Variants in ATRNL1 observed in about 807,000 individuals in gnomAD.
ATRNL1 encodes the protein attractin-like protein 1.
ATRNL1 carries 95 observed loss-of-function variants against 182.7 expected under a neutral mutation model. That is an observed-to-expected ratio of 0.52 (90% confidence interval 0.44 to 0.62). The LOEUF (loss-of-function observed/expected upper bound fraction) is 0.62. ATRNL1 is among the 20% of genes least tolerant of loss of function. The pLI is 0.00. For synonymous variants in ATRNL1, 576 were observed against 568.3 expected, an observed-to-expected ratio of 1.01 and a Z score of -0.19; for missense variants, 1,471 against 1,679.5, an observed-to-expected ratio of 0.88 and a Z score of 2.17.
intron 10 of ATRNL1, among the ~76,000 whole-genome samples, chr10:115,254,003 T>A (rs1554906071): frequency 1.3e-5 from 2 of 152,204 alleles, no homozygotes; most frequent in Non-Finnish European, 2.9e-5. Flanking sequence ...CCATGGTGCA[T>A]ATGTGCCACA....
chr10:115,702,993 A>G (rs1253128481), intron 26 of ATRNL1, among the ~76,000 whole-genome samples: 10 of 151,720 alleles, frequency 6.6e-5, no homozygotes, highest in Admixed American at 5.3e-4. Context: ...AAAAGAACAA[A>G]CTATAGACTT....
intron 24 of ATRNL1, among the ~76,000 whole-genome samples, chr10:115,477,956 G>A (rs78379647): frequency 0.019 from 2,933 of 151,676 alleles, 63 homozygotes; most frequent in East Asian, 0.12. Context: ...ACAATTGCTT[G>A]CTTTCTCATT....
chr10:115,749,798 TA>T (rs1456186458), intron 27 of ATRNL1, among the ~76,000 whole-genome samples: 1 of 151,896 alleles, frequency 6.6e-6, no homozygotes, highest in Non-Finnish European at 1.5e-5. Flanking sequence ...TAAAAAAAAT[TA>T]AATTTGAAGC....
chr10:115,933,527 T>A (rs1953467466), intron 28 of ATRNL1, among the ~76,000 whole-genome samples: 1 of 152,206 alleles, frequency 6.6e-6, no homozygotes, highest in African/African-American at 2.4e-5. Context: ...CCAGCAGGGA[T>A]GTCCAGGTCT....
intron 13 of ATRNL1, among the ~76,000 whole-genome samples, chr10:115,269,801 T>C (rs1453328527): frequency 2.6e-5 from 4 of 152,062 alleles, no homozygotes; most frequent in Admixed American, 2.6e-4. Context: ...GAAAAGGGAG[T>C]TGAAACTAAG....
chr10:115,483,362 A>G (rs1260451282), intron 24 of ATRNL1, among the ~76,000 whole-genome samples: 1 of 151,490 alleles, frequency 6.6e-6, no homozygotes, highest in African/African-American at 2.4e-5. Context: ...CTTTAAGCAA[A>G]TTTAGGAAAT....
At chr10:115,675,262 T>C (rs1253537713) in intron 26 of ATRNL1, among the ~76,000 whole-genome samples, 1 of 152,024 alleles carries the variant, frequency 6.6e-6, no homozygotes, top group African/African-American at 2.4e-5. Flanking sequence ...GTTGGGAGGC[T>C]GAGAGTGGAG....
At position 115,847,919 on chromosome 10, in the gene ATRNL1, A is replaced by G. The variant is rs1555099303; in HGVS notation, c.3946A>G (p.Arg1316Gly). The G allele has an allele frequency of 1.2e-6, 2 of 1,612,982 alleles. No individual in the cohort carries two copies. Among genetic ancestry groups the G allele is most frequent in the Admixed American group, 3.3e-5 (2 of 59,900 alleles). ...TGCCATTGAACCATGTGCTGGGAAC[A>G]GAGCTGCTGTTCTGACTGTGTTTCT... ...PIAIEPCAGN[R>G]AAVLTVFLCL... Residue 1316 changes from arginine (R) to glycine (G), a missense_variant, in exon 28 of 29, where the codon AGA becomes GGA. Arg to Gly is a moderately radical substitution (Grantham distance 125, BLOSUM62 -2). Transcript: ENST00000355044.
intron 18 of ATRNL1, among the ~76,000 whole-genome samples, chr10:115,329,618 T>C (rs2134059589): frequency 6.6e-6 from 1 of 152,286 alleles, no homozygotes; most frequent in South Asian, 2.1e-4. Context: ...TTGATCCCTT[T>C]ATCAGTAAGT....
At chr10:115,833,758 G>A (rs1311384415) in intron 27 of ATRNL1, among the ~76,000 whole-genome samples, 1 of 152,112 alleles carries the variant, frequency 6.6e-6, no homozygotes, top group Non-Finnish European at 1.5e-5. Flanking sequence ...ATTAATTCTA[G>A]GCAATAATGT....
rs185431363 is a variant in ATRNL1 at position 115,694,821 on chromosome 10, T to G, written c.3796-32427T>G. ...AGATTCACTTTTCCTTGCTTTATTT[T>G]GGGAGGGTGGAGGATGGTAGAAATG... On this transcript the variant is annotated intron_variant, in intron 26 of 28. Coordinates refer to ENST00000355044, the MANE Select transcript of ATRNL1 (RefSeq NM_207303.4). 2.2e-3 allele frequency among the ~76,000 whole-genome samples: 340 copies of G among 151,952 alleles called. 2 individuals carry two copies. Among genetic ancestry groups the G allele is most frequent in the Non-Finnish European group, 3.9e-3 (267 of 67,910 alleles).
At chr10:115,254,044 A>AT (rs779259461) in intron 10 of ATRNL1, among the ~76,000 whole-genome samples, 3 of 152,230 alleles carry the variant, frequency 2.0e-5, no homozygotes, top group Non-Finnish European at 4.4e-5. Flanking sequence ...ATTGATGGAC[A>AT]TATGGGTTGG....
intron 27 of ATRNL1, among the ~76,000 whole-genome samples, chr10:115,841,285 T>C (rs1206051684): frequency 6.6e-6 from 1 of 152,084 alleles, no homozygotes; most frequent in Non-Finnish European, 1.5e-5. Flanking sequence ...TCCAGCCTCT[T>C]TACTCCCAAA....
At chr10:115,212,215 A>G (rs571994831) in intron 8 of ATRNL1, among the ~76,000 whole-genome samples, 5 of 151,682 alleles carry the variant, frequency 3.3e-5, no homozygotes, top group African/African-American at 9.7e-5. Flanking sequence ...TCTGTCCTCA[A>G]GTTTAACAAT....
At chr10:115,348,602 A>G (rs1214553533) in intron 19 of ATRNL1, among the ~76,000 whole-genome samples, 5 of 152,200 alleles carry the variant, frequency 3.3e-5, no homozygotes, top group African/African-American at 1.2e-4. Flanking sequence ...TACATTACAC[A>G]TTATGTTATT....
intron 18 of ATRNL1, among the ~76,000 whole-genome samples, chr10:115,333,353 C>T (rs1855323768): frequency 6.6e-6 from 1 of 152,088 alleles, no homozygotes; most frequent in Non-Finnish European, 1.5e-5. Context: ...GTCTCAGTTA[C>T]ACAGATATAT....
intron 26 of ATRNL1, among the ~76,000 whole-genome samples, chr10:115,635,625 C>G (rs782605125): frequency 2.0e-5 from 3 of 152,136 alleles, no homozygotes; most frequent in Non-Finnish European, 4.4e-5. Flanking sequence ...AAATTTGACT[C>G]TTAGCTACAT....
chr10:115,335,397 G>A (rs1855432508), intron 19 of ATRNL1, among the ~76,000 whole-genome samples: 1 of 152,218 alleles, frequency 6.6e-6, no homozygotes, highest in South Asian at 2.1e-4. Context: ...CAGCTGGAAA[G>A]CTTTTAAAAA....
intron 18 of ATRNL1, among the ~76,000 whole-genome samples, chr10:115,317,290 T>A (rs1357079768): frequency 1.3e-5 from 2 of 151,198 alleles, no homozygotes; most frequent in Admixed American, 6.6e-5. Context: ...TTTTGGTTAC[T>A]GTAGTCTTGT....
Sources: allele counts gnomAD v4.1 joint callset (sites outside exome capture counted in the v4.1 genomes callset), GRCh38; gene constraint gnomAD v4.1.1; transcripts MANE v1.5; gene names NCBI Gene and HGNC (gene_info 2026-07-23, HGNC 2026-07-21).